The following PLA2G4C variants were observed in gnomAD, a reference collection of about 807,000 sequenced individuals.
PLA2G4C encodes cytosolic phospholipase A2 gamma.
Under a neutral mutation model 73.8 loss-of-function variants are expected in PLA2G4C, and 64 were observed. The ratio of observed to expected loss-of-function variants is 0.87; its 90% confidence interval spans 0.71 to 1.07. PLA2G4C has a LOEUF of 1.07. Among genes scored for constraint, PLA2G4C ranks in the 50% least tolerant of loss-of-function variants. PLA2G4C has a pLI of 0.00. For missense variants in PLA2G4C, 622 were observed against 665.4 expected (o/e 0.93, Z 0.72); for synonymous variants, 254 against 252.1 (o/e 1.01, Z -0.07).
At chr19:48,110,039 T>G (rs1600278656) in intron 1 of PLA2G4C, among the ~76,000 whole-genome samples, 1 of 147,418 alleles carries the variant, frequency 6.8e-6, no homozygotes, top group African/African-American at 2.5e-5. Flanking sequence ...ACTTCTAGCT[T>G]CCAGAAGTGT....
intron 11 of PLA2G4C, among the ~76,000 whole-genome samples, chr19:48,076,203 G>A (rs1344798857): frequency 1.3e-5 from 2 of 152,214 alleles, no homozygotes; most frequent in East Asian, 3.8e-4. Context: ...CCTTCACTCT[G>A]TACCTGACTG....
At chr19:48,088,790 C>T in intron 8 of PLA2G4C, 78 bp from the exon 9 acceptor site, 4 of 1,059,238 alleles carry the variant, frequency 3.8e-6, no homozygotes, top group Non-Finnish European at 5.9e-6. Flanking sequence ...ATACAGATGA[C>T]CTGCAGGGAT....
At chr19:48,103,013 C>G (rs1341876313) in intron 4 of PLA2G4C, among the ~76,000 whole-genome samples, 1 of 152,180 alleles carries the variant, frequency 6.6e-6, no homozygotes, top group African/African-American at 2.4e-5. Flanking sequence ...CAGGAACTAA[C>G]CCAAAGCTGT....
intron 16 of PLA2G4C, among the ~76,000 whole-genome samples, chr19:48,049,893 A>G (rs1967657694): frequency 1.3e-5 from 2 of 152,126 alleles, no homozygotes; most frequent in African/African-American, 2.4e-5. Context: ...CTGTGAGACA[A>G]TAAGTGTCGG....
chr19:48,105,561 G>C (rs1448742066), intron 2 of PLA2G4C, 117 bp from the exon 3 acceptor site: 3 of 718,606 alleles, frequency 4.2e-6, no homozygotes, highest in Non-Finnish European at 2.4e-6. Context: ...ACGGGTACAT[G>C]GTTTCCTTTT....
intron 11 of PLA2G4C, among the ~76,000 whole-genome samples, chr19:48,075,206 C>T (rs527583583): frequency 1.3e-5 from 2 of 148,374 alleles, no homozygotes; most frequent in African/African-American, 5.0e-5. Context: ...TTATTTGAGA[C>T]AGAGTATTGC....
At chr19:48,068,498 G>A (rs1037370858) in intron 12 of PLA2G4C, among the ~76,000 whole-genome samples, 2 of 151,718 alleles carry the variant, frequency 1.3e-5, no homozygotes, top group African/African-American at 2.4e-5. Flanking sequence ...GCTTGGGCAA[G>A]AGAGCGAGAC....
At chr19:48,067,979 A>T in intron 12 of PLA2G4C, 93 bp from the exon 13 acceptor site, 1 of 876,488 alleles carries the variant, frequency 1.1e-6, no homozygotes, top group Admixed American at 1.7e-5. Flanking sequence ...CTCATCCCCC[A>T]TGGGGTTGTA....
chr19:48,074,700 G>T, intron 12 of PLA2G4C, 67 bp downstream of exon 12: 1 of 1,071,374 alleles, frequency 9.3e-7, no homozygotes, highest in Non-Finnish European at 1.5e-6. Flanking sequence ...GGGTGGGGAA[G>T]AGCAAGAGGG....
In PLA2G4C at chr19:48,062,100, A is replaced by G. The variant is rs1377885888; in HGVS notation, c.1155T>C (p.Asp385=). The change falls in exon 14 of 17, where the codon GAT becomes GAC. Residue 385 remains aspartate (D), a synonymous_variant. Transcript: ENST00000599921. ...AGGGAGTGTTGATGGCTAAACCAGC[A>G]TCCACCAGGTGGAGGTGCTTCCGGC... ...MSSRKHLHLV[D]AGLAINTPFP... 1.2e-6 allele frequency: 2 copies of G among 1,611,204 alleles called. No homozygotes were observed. The highest frequency in any genetic ancestry group is 1.7e-6 in the Non-Finnish European group (2 of 1,178,448).
chr19:48,097,409 C>T (rs58882371), intron 6 of PLA2G4C, among the ~76,000 whole-genome samples: 13,833 of 150,012 alleles, frequency 0.092, 1,552 homozygotes, highest in African/African-American at 0.25. Context: ...CCCGCCGCCA[C>T]GCCCAGCTAA....
At chr19:48,069,958 C>T (rs940017226) in intron 12 of PLA2G4C, among the ~76,000 whole-genome samples, 2 of 151,946 alleles carry the variant, frequency 1.3e-5, no homozygotes, top group South Asian at 2.1e-4. Flanking sequence ...GTAGTAGAGA[C>T]GGGGTTTCGC....
chr19:48,061,606 C>T (rs1350869215), intron 14 of PLA2G4C: 1 of 207,452 alleles, frequency 4.8e-6, no homozygotes, highest in Non-Finnish European at 9.9e-6. Flanking sequence ...TTGAGGGCCA[C>T]TATTTGCCCA....
intron 10 of PLA2G4C, among the ~76,000 whole-genome samples, chr19:48,083,632 A>C (rs1412340978): frequency 6.6e-6 from 1 of 151,300 alleles, no homozygotes; most frequent in Admixed American, 6.6e-5. Flanking sequence ...TTTTTAGTAG[A>C]GATGGGGTTT....
At chr19:48,068,037 C>T (rs1725937608) in intron 12 of PLA2G4C, 151 bp from the exon 13 acceptor site, 2 of 650,556 alleles carry the variant, frequency 3.1e-6, no homozygotes, top group Admixed American at 2.4e-5. Context: ...GGCGCGTTGG[C>T]TCACGCCAGT....
chr19:48,057,377 G>C (rs1336352878), intron 14 of PLA2G4C, among the ~76,000 whole-genome samples: 1 of 150,744 alleles, frequency 6.6e-6, no homozygotes, highest in Non-Finnish European at 1.5e-5. Flanking sequence ...TGTACTCAAA[G>C]GTGGCTTCTT....
intron 4 of PLA2G4C, 116 bp downstream of exon 4, chr19:48,104,472 G>A (rs2032065549): frequency 1.0e-6 from 1 of 977,366 alleles, no homozygotes; most frequent in East Asian, 2.4e-5. Context: ...CACCCAGCTA[G>A]TACCAGAGAG....
At chr19:48,052,640 G>A (rs1967769264) in intron 16 of PLA2G4C, among the ~76,000 whole-genome samples, 1 of 152,212 alleles carries the variant, frequency 6.6e-6, no homozygotes. Context: ...ACGGAGACAA[G>A]CGTGGAACAA....
chr19:48,101,065 C>G (rs111236954), intron 4 of PLA2G4C, among the ~76,000 whole-genome samples: 1 of 146,500 alleles, frequency 6.8e-6, no homozygotes. Context: ...AGCTTCTACT[C>G]ATGGCAGAAG....
Sources: gnomAD v4.1 joint callset for allele counts (sites outside exome capture counted in the v4.1 genomes callset) on GRCh38, gnomAD v4.1.1 for gene constraint, MANE v1.5 for transcripts, NCBI Gene and HGNC (gene_info 2026-07-23, HGNC 2026-07-21) for gene names.